Variants in FNDC3B observed in about 807,000 individuals in gnomAD.
FNDC3B encodes the protein fibronectin type III domain-containing protein 3B.
A neutral mutation model predicts 151.5 loss-of-function variants in FNDC3B; 12 were observed. The observed-to-expected ratio is 0.08, with a 90% CI of 0.05 to 0.13. The LOEUF (loss-of-function observed/expected upper bound fraction) is 0.13, where lower values mean the gene tolerates loss of function less well. FNDC3B is among the 10% of genes least tolerant of loss of function. The pLI, the probability that FNDC3B is intolerant of heterozygous loss-of-function variation, is 1.00. For synonymous variants in FNDC3B, 528 were observed against 549.0 expected, an observed-to-expected ratio of 0.96 and a Z score of 0.54; for missense variants, 1,214 against 1,505.3, an observed-to-expected ratio of 0.81 and a Z score of 3.20.
intron 2 of FNDC3B, among the ~76,000 whole-genome samples, chr3:172,131,407 A>C (rs1013988137): frequency 2.6e-5 from 4 of 152,168 alleles, no homozygotes; most frequent in Admixed American, 6.5e-5. Flanking sequence ...AAAAAAAAAA[A>C]AAAACCAAAT....
chr3:172,236,519 G>T (rs916781195), intron 4 of FNDC3B, among the ~76,000 whole-genome samples: 2 of 152,120 alleles, frequency 1.3e-5, no homozygotes, highest in African/African-American at 4.8e-5. Context: ...TTGTCACTTC[G>T]ATTCTTATAT....
intron 8 of FNDC3B, among the ~76,000 whole-genome samples, chr3:172,298,427 CATTT>C (rs1576886232): frequency 6.6e-6 from 1 of 152,252 alleles, no homozygotes; most frequent in East Asian, 1.9e-4. Flanking sequence ...TTCATTCATT[CATTT>C]GCTTACTTAG....
At chr3:172,198,550 C>T (rs772190169) in intron 3 of FNDC3B, among the ~76,000 whole-genome samples, 12 of 152,168 alleles carry the variant, frequency 7.9e-5, no homozygotes, top group Non-Finnish European at 1.5e-4. Context: ...AAATCTGACA[C>T]GTGTACATGT....
chr3:172,232,682 A>T (rs1413070446), intron 4 of FNDC3B, among the ~76,000 whole-genome samples: 1 of 152,134 alleles, frequency 6.6e-6, no homozygotes, highest in Admixed American at 6.5e-5. Context: ...GGTAAGTGGG[A>T]ATTTAATCTT....
At chr3:172,314,630 A>T (rs766844868) in intron 11 of FNDC3B, among the ~76,000 whole-genome samples, 1 of 152,248 alleles carries the variant, frequency 6.6e-6, no homozygotes. Context: ...AAATTTTGAA[A>T]GTGTTGGTTA....
At chr3:172,306,226 G>A (rs1160495338) in intron 9 of FNDC3B, among the ~76,000 whole-genome samples, 2 of 152,164 alleles carry the variant, frequency 1.3e-5, no homozygotes, top group African/African-American at 4.8e-5. Context: ...TAGGGCTAAG[G>A]GAAGTGGATT....
intron 1 of FNDC3B, among the ~76,000 whole-genome samples, chr3:172,079,760 A>G (rs1022223973): frequency 4.6e-5 from 7 of 152,208 alleles, no homozygotes; most frequent in African/African-American, 1.4e-4. Flanking sequence ...TCCTCATTTT[A>G]CAAGTCTGCT....
intron 3 of FNDC3B, among the ~76,000 whole-genome samples, chr3:172,226,404 G>A (rs1726583690): frequency 6.6e-6 from 1 of 151,710 alleles, no homozygotes; most frequent in Non-Finnish European, 1.5e-5. Context: ...GCATATTACA[G>A]TAATTTATTA....
intron 3 of FNDC3B, 54 bp downstream of exon 3, chr3:172,133,600 G>A (rs563751151): frequency 8.0e-7 from 1 of 1,254,546 alleles, no homozygotes; most frequent in Admixed American, 1.7e-5. Flanking sequence ...TTTATTTGAA[G>A]GAAGTAATGT....
At chr3:172,119,102 G>A (rs182970622) in intron 2 of FNDC3B, among the ~76,000 whole-genome samples, 99 of 150,380 alleles carry the variant, frequency 6.6e-4, no homozygotes, top group East Asian at 1.2e-3. Flanking sequence ...CCTGGGAGGC[G>A]GAGCTTGCAG....
In FNDC3B at chr3:172,249,776, G is replaced by C. The variant is rs569736769; in HGVS notation, c.509-1484G>C. Among the ~76,000 whole-genome samples the C allele has an allele frequency of 3.3e-5, 5 of 152,274 alleles. No homozygotes were observed. In the East Asian group the frequency reaches 9.6e-4, roughly 29 times the overall value. On this transcript the variant is annotated intron_variant, in intron 5 of 25. Coordinates refer to ENST00000415807, the MANE Select transcript of FNDC3B (RefSeq NM_022763.4). Reference sequence around the variant, plus strand: ...TTGACACGTTCTCTAGTGCAAACTGGTTCTCTCATGAAGATTTGTTTTTTA... The same window carrying C: ...TTGACACGTTCTCTAGTGCAAACTGCTTCTCTCATGAAGATTTGTTTTTTA...
intron 1 of FNDC3B, among the ~76,000 whole-genome samples, chr3:172,056,946 A>G (rs527821389): frequency 3.9e-5 from 6 of 152,314 alleles, no homozygotes; most frequent in Admixed American, 2.6e-4. Context: ...ATGAAATAAT[A>G]TATATCAAAA....
At chr3:172,323,257 C>T (rs1180311921) in intron 11 of FNDC3B, among the ~76,000 whole-genome samples, 2 of 152,082 alleles carry the variant, frequency 1.3e-5, no homozygotes, top group Non-Finnish European at 2.9e-5. Context: ...TGGTAGCTCA[C>T]ACCTATGATC....
intron 2 of FNDC3B, among the ~76,000 whole-genome samples, chr3:172,131,411 A>G (rs1027540868): frequency 6.6e-6 from 1 of 151,906 alleles, no homozygotes; most frequent in Non-Finnish European, 1.5e-5. Flanking sequence ...AAAAAAAAAA[A>G]CCAAATATTT....
rs186854096 is a variant in FNDC3B, at chr3:172,195,117, G to T, written c.188-31754G>T. On this transcript the variant is annotated intron_variant, in intron 3 of 25. Transcript: ENST00000415807. ...CCTTTAGTTATTTTAAAAAAAGTTT[G>T]ATCTTGAGATAAAAACCTATTTTTA... Among the ~76,000 whole-genome samples, 471 of 152,244 alleles carry T rather than the reference G, an allele frequency of 3.1e-3. 2 individuals are homozygous for T. The highest frequency in any genetic ancestry group is 0.011 in the African/African-American group (455 of 41,544).
rs192156216 is a variant in FNDC3B, at chr3:172,382,941, G to T, written c.3303+1848G>T. On this transcript the variant is annotated intron_variant, in intron 25 of 25. Transcript: ENST00000415807. The stretch of plus-strand genomic sequence containing the variant: ...TGTTCTTTTTGCTTAGGATTGTCTT[G>T]GCTATACACACTCTTTTTTGGTTCC... Among the ~76,000 whole-genome samples, 1,367 of 152,186 alleles carry T rather than the reference G, an allele frequency of 9.0e-3. 15 individuals are homozygous for T. The highest frequency in any genetic ancestry group is 0.015 in the Non-Finnish European group (1,031 of 67,998).
At chr3:172,342,652 C>T (rs1007683186) in intron 17 of FNDC3B, among the ~76,000 whole-genome samples, 1 of 152,178 alleles carries the variant, frequency 6.6e-6, no homozygotes, top group Non-Finnish European at 1.5e-5. Flanking sequence ...AAAATTTCAT[C>T]CAGCTGTCGT....
intron 3 of FNDC3B, among the ~76,000 whole-genome samples, chr3:172,210,275 T>G (rs568675291): frequency 6.6e-6 from 1 of 152,368 alleles, no homozygotes; most frequent in South Asian, 2.1e-4. Flanking sequence ...ACCACTGCTA[T>G]CATTATGATA....
At chr3:172,371,983 G>C (rs768934366) in intron 23 of FNDC3B, among the ~76,000 whole-genome samples, 3 of 152,148 alleles carry the variant, frequency 2.0e-5, no homozygotes, top group African/African-American at 7.2e-5. Flanking sequence ...TAAGTGCTAG[G>C]CATTGTCTAG....
Sources: gnomAD v4.1 joint callset for allele counts (sites outside exome capture counted in the v4.1 genomes callset) on GRCh38, gnomAD v4.1.1 for gene constraint, MANE v1.5 for transcripts, NCBI Gene and HGNC (gene_info 2026-07-23, HGNC 2026-07-21) for gene names.